Variants in TMEM150C observed in about 807,000 individuals in gnomAD.
TMEM150C encodes transmembrane protein 150C.
A neutral mutation model predicts 29.9 loss-of-function variants in TMEM150C; 10 were observed. That is an observed-to-expected ratio of 0.33 (90% CI 0.21 to 0.57). The LOEUF is 0.57. Among genes scored for constraint, TMEM150C ranks in the 20% least tolerant of loss-of-function variants. The pLI is 0.88. For synonymous variants in TMEM150C, 101 were observed against 112.5 expected, an observed-to-expected ratio of 0.90 and a Z score of 0.64; for missense variants, 251 against 303.6, an observed-to-expected ratio of 0.83 and a Z score of 1.29.
chr4:82,559,372 C>T (rs1346274626), intron 1 of TMEM150C, among the ~76,000 whole-genome samples: 1 of 150,712 alleles, frequency 6.6e-6, no homozygotes, highest in Non-Finnish European at 1.5e-5. Flanking sequence ...TGGTAAAACC[C>T]CGTCTCTACT....
intron 1 of TMEM150C, among the ~76,000 whole-genome samples, chr4:82,512,617 G>C (rs1441095915): frequency 6.6e-6 from 1 of 152,128 alleles, no homozygotes; most frequent in Non-Finnish European, 1.5e-5. Context: ...CCATTTTCTA[G>C]AGGAGTATAC....
At chr4:82,518,403 A>C (rs1032026255) in intron 1 of TMEM150C, among the ~76,000 whole-genome samples, 4 of 151,994 alleles carry the variant, frequency 2.6e-5, no homozygotes, top group Admixed American at 2.0e-4. Flanking sequence ...CGGCTCTCCA[A>C]AGGCTCCAGT....
chr4:82,538,185 G>A (rs1035476220), intron 1 of TMEM150C, among the ~76,000 whole-genome samples: 3 of 152,168 alleles, frequency 2.0e-5, no homozygotes, highest in African/African-American at 7.2e-5. Flanking sequence ...AGCCTCCTGA[G>A]TAGCTGGCAC....
chr4:82,543,521 G>A (rs980447087), intron 1 of TMEM150C, among the ~76,000 whole-genome samples: 2 of 151,914 alleles, frequency 1.3e-5, no homozygotes, highest in Non-Finnish European at 2.9e-5. Flanking sequence ...TAGCCTACTA[G>A]AAAAAAATGA....
chr4:82,520,020 G>A (rs1724434472), intron 1 of TMEM150C, among the ~76,000 whole-genome samples: 1 of 152,136 alleles, frequency 6.6e-6, no homozygotes, highest in African/African-American at 2.4e-5. Flanking sequence ...GTCATTGTGA[G>A]GTGTTCTGCA....
chr4:82,546,634 T>G (rs1560499113), intron 1 of TMEM150C, among the ~76,000 whole-genome samples: 1 of 151,992 alleles, frequency 6.6e-6, no homozygotes, highest in Non-Finnish European at 1.5e-5. Flanking sequence ...CGAGACCATC[T>G]TGGCTAACAC....
rs570103671 is a variant in TMEM150C, at chr4:82,491,053, C to A, written c.364-815G>T. On this transcript the variant is annotated intron_variant, in intron 6 of 7. Transcript: ENST00000449862. The stretch of plus-strand genomic sequence containing the variant: ...CAGGTCTTCCTGTGGACTAGACGTC[C>A]CAGTCTTGCCTTCCTCTTGATAATG... 1.8e-5 allele frequency: 13 copies of A among 727,084 alleles called. No individual in the cohort carries two copies. The African/African-American group carries it at 2.2e-4, about 12-fold the overall frequency. 45.0% of individuals were successfully genotyped at this position (727,084 alleles called of 1,614,324 possible).
chr4:82,552,596 T>A (rs1182485305), intron 1 of TMEM150C, among the ~76,000 whole-genome samples: 1 of 152,200 alleles, frequency 6.6e-6, no homozygotes, highest in African/African-American at 2.4e-5. Context: ...TCACCTGTGA[T>A]GTTGCCTAGC....
At chr4:82,523,350 G>A (rs531107907) in intron 1 of TMEM150C, among the ~76,000 whole-genome samples, 1 of 152,274 alleles carries the variant, frequency 6.6e-6, no homozygotes, top group South Asian at 2.1e-4. Context: ...CAGGGGATTG[G>A]TTTGACTAGG....
chr4:82,529,898 T>G (rs140601207), intron 1 of TMEM150C, among the ~76,000 whole-genome samples: 2 of 152,038 alleles, frequency 1.3e-5, no homozygotes, highest in Non-Finnish European at 2.9e-5. Context: ...TTTCAAAAAA[T>G]AGAGAATTGA....
intron 1 of TMEM150C, among the ~76,000 whole-genome samples, chr4:82,522,421 G>A (rs910561097): frequency 6.6e-6 from 1 of 152,200 alleles, no homozygotes; most frequent in Non-Finnish European, 1.5e-5. Flanking sequence ...TCCCTGCTGA[G>A]TTAAATGATA....
Position 82,506,164 on chromosome 4 carries a change from C to T in TMEM150C, c.-10-1497G>A, listed in dbSNP as rs140843773. On this transcript the variant is annotated intron_variant, in intron 1 of 7. Coordinates refer to ENST00000449862, the MANE Select transcript of TMEM150C (RefSeq NM_001080506.3). ...GCACTGCCCCATTTGTGAATACCTCCAAGACATCTGCTTTCATATGCTGGG... is the reference window on the plus strand; with the variant it reads ...GCACTGCCCCATTTGTGAATACCTCTAAGACATCTGCTTTCATATGCTGGG... 1.5e-3 allele frequency among the ~76,000 whole-genome samples: 222 copies of T among 152,204 alleles called. 3 individuals are homozygous for T. Among genetic ancestry groups the T allele is most frequent in the Non-Finnish European group, 2.6e-3 (179 of 68,010 alleles).
At chr4:82,528,605 C>CG (rs1193007644) in intron 1 of TMEM150C, among the ~76,000 whole-genome samples, 5 of 139,620 alleles carry the variant, frequency 3.6e-5, no homozygotes, top group African/African-American at 1.3e-4. Context: ...TTCCTCGTCC[C>CG]TTTTTTTTTT....
At chr4:82,519,049 A>C (rs1248118610) in intron 1 of TMEM150C, among the ~76,000 whole-genome samples, 2 of 152,226 alleles carry the variant, frequency 1.3e-5, no homozygotes, top group African/African-American at 4.8e-5. Context: ...GTGTCTGAAC[A>C]GTGTCGTATG....
At chr4:82,519,112 G>A (rs1389617811) in intron 1 of TMEM150C, among the ~76,000 whole-genome samples, 1 of 152,106 alleles carries the variant, frequency 6.6e-6, no homozygotes, top group Non-Finnish European at 1.5e-5. Context: ...CTGGAAAGAG[G>A]CAACCTGACA....
rs114740057 is a variant in TMEM150C at position 82,544,049 on chromosome 4, C to T, written c.-11+17857G>A. ...AGCTTGTCAGTGTGAACCACTATTA[C>T]GAACGATCGGATATTAACTGCCCCT... On this transcript the variant is annotated intron_variant, in intron 1 of 7. Transcript: ENST00000449862. 3.9e-3 allele frequency among the ~76,000 whole-genome samples: 598 copies of T among 152,270 alleles called. 3 individuals carry two copies. The highest frequency in any genetic ancestry group is 0.013 in the African/African-American group (559 of 41,548).
In TMEM150C at chr4:82,512,594, T is replaced by C. The variant is rs372239504; in HGVS notation, c.-10-7927A>G. Among the ~76,000 whole-genome samples the C allele has an allele frequency of 6.6e-5, 10 of 152,334 alleles. No homozygotes were observed. The East Asian group carries it at 9.6e-4, about 15-fold the overall frequency. The stretch of plus-strand genomic sequence containing the variant: ...CTCATATGATAACACGATTTCATTA[T>C]ACAGGAAAATGTCCATTTTCTAGAG... On this transcript the variant is annotated intron_variant, in intron 1 of 7. Transcript: ENST00000449862.
intron 1 of TMEM150C, among the ~76,000 whole-genome samples, chr4:82,561,682 G>A (rs1453588692): frequency 6.8e-6 from 1 of 147,510 alleles, no homozygotes. Context: ...ACTTGCCGGG[G>A]AGCGTGCGCC....
chr4:82,494,902 C>T (rs552371165), intron 6 of TMEM150C: 64 of 541,110 alleles, frequency 1.2e-4, no homozygotes, highest in African/African-American at 1.1e-3. Context: ...CGTCTCTTCA[C>T]AACTTGTTCC....
Sources: allele counts gnomAD v4.1 joint callset (sites outside exome capture counted in the v4.1 genomes callset), GRCh38; gene constraint gnomAD v4.1.1; transcripts MANE v1.5; gene names NCBI Gene and HGNC (gene_info 2026-07-23, HGNC 2026-07-21).